The following MAGI2 variants were observed in gnomAD, a reference collection of about 807,000 sequenced individuals.
MAGI2 encodes the protein membrane associated guanylate kinase, WW and PDZ domain containing 2.
A neutral mutation model predicts 133.3 loss-of-function variants in MAGI2; 35 were observed. That is an observed-to-expected ratio of 0.26 (90% CI 0.20 to 0.35). The LOEUF (loss-of-function observed/expected upper bound fraction) is 0.35. Among genes scored for constraint, MAGI2 ranks in the 10% least tolerant of loss-of-function variants. The probability of loss-of-function intolerance (pLI) is 1.00; values close to 1 mark genes in which losing one functional copy is unlikely to be tolerated. For synonymous variants in MAGI2, 729 were observed against 710.6 expected (o/e 1.03, Z -0.41); for missense variants, 1,636 against 1,863.4 (o/e 0.88, Z 2.25).
chr7:78,401,187 CAA>C (rs34587769), intron 6 of MAGI2, among the ~76,000 whole-genome samples: 52,082 of 148,494 alleles, frequency 0.35, 10,230 homozygotes, highest in East Asian at 0.7. Flanking sequence ...CACCAACAAC[CAA>C]AAAAAAAAAT....
At chr7:78,108,193 G>C (rs187740828) in intron 20 of MAGI2, among the ~76,000 whole-genome samples, 381 of 152,090 alleles carry the variant, frequency 2.5e-3, no homozygotes, top group South Asian at 7.0e-3. Context: ...ATTGTTTCAA[G>C]AAATTTTTTA....
chr7:79,253,028 A>C (rs1342794242), intron 1 of MAGI2, among the ~76,000 whole-genome samples: 1 of 152,196 alleles, frequency 6.6e-6, no homozygotes, highest in African/African-American at 2.4e-5. Context: ...AATTCATAAA[A>C]TAAAAGGCAT....
At chr7:78,752,721 A>G (rs1382995777) in intron 2 of MAGI2, among the ~76,000 whole-genome samples, 2 of 152,208 alleles carry the variant, frequency 1.3e-5, no homozygotes, top group Non-Finnish European at 2.9e-5. Context: ...CTAACTTCTA[A>G]CAACATCAAG....
At chr7:78,341,428 T>C (rs892820430) in intron 9 of MAGI2, among the ~76,000 whole-genome samples, 1 of 152,190 alleles carries the variant, frequency 6.6e-6, no homozygotes, top group African/African-American at 2.4e-5. Context: ...AAGCTACCGT[T>C]GGCTTTCTTC....
At chr7:79,365,298 G>A (rs1842627171) in intron 1 of MAGI2, among the ~76,000 whole-genome samples, 1 of 152,096 alleles carries the variant, frequency 6.6e-6, no homozygotes, top group Non-Finnish European at 1.5e-5. Flanking sequence ...GATACAAAAT[G>A]GTACAGCTAG....
intron 6 of MAGI2, among the ~76,000 whole-genome samples, chr7:78,476,427 T>TA (rs1469766949): frequency 6.6e-6 from 1 of 151,950 alleles, no homozygotes; most frequent in Non-Finnish European, 1.5e-5. Flanking sequence ...GGGAAATCAG[T>TA]AAAAAATGTC....
In MAGI2 at chr7:78,200,389, T is replaced by C. The variant is rs1304449224; in HGVS notation, c.2079+773A>G. Among the ~76,000 whole-genome samples, 5 of 152,318 alleles carry C rather than the reference T, an allele frequency of 3.3e-5. No homozygotes were observed. In the South Asian group the frequency reaches 6.2e-4, roughly 19 times the overall value. The stretch of plus-strand genomic sequence containing the variant: ...TAGCCTAGCTCTGCAAAAAGATTAT[T>C]AAAACCCACCAGCTTCCTATACTGG... On this transcript the variant is annotated intron_variant, in intron 11 of 21. Transcript: ENST00000354212.
chr7:79,442,795 G>A (rs1848576794), intron 1 of MAGI2, among the ~76,000 whole-genome samples: 1 of 152,072 alleles, frequency 6.6e-6, no homozygotes, highest in African/African-American at 2.4e-5. Flanking sequence ...AGAATGGTAA[G>A]ATTACCGTTA....
intron 7 of MAGI2, among the ~76,000 whole-genome samples, chr7:78,368,587 C>T (rs1290172044): frequency 1.3e-5 from 2 of 151,874 alleles, no homozygotes; most frequent in Non-Finnish European, 2.9e-5. Context: ...TAATTTAACC[C>T]TGAATAGTGT....
chr7:79,016,993 A>T (rs1308203685), intron 1 of MAGI2, among the ~76,000 whole-genome samples: 1 of 152,232 alleles, frequency 6.6e-6, no homozygotes, highest in East Asian at 1.9e-4. Flanking sequence ...GTGCATCTCC[A>T]CATAGTGGTG....
chr7:78,576,484 C>T (rs1221500104), intron 3 of MAGI2, among the ~76,000 whole-genome samples: 2 of 152,154 alleles, frequency 1.3e-5, no homozygotes, highest in Non-Finnish European at 2.9e-5. Context: ...GAATTCCTCT[C>T]TTCCAAGGCA....
At chr7:78,815,949 C>T (rs1789539141) in intron 2 of MAGI2, among the ~76,000 whole-genome samples, 1 of 152,098 alleles carries the variant, frequency 6.6e-6, no homozygotes, top group South Asian at 2.1e-4. Flanking sequence ...AATGATTAAG[C>T]TTAGTGAGGA....
chr7:79,330,914 T>G (rs1022108656), intron 1 of MAGI2, among the ~76,000 whole-genome samples: 3 of 152,202 alleles, frequency 2.0e-5, no homozygotes, highest in African/African-American at 7.2e-5. Context: ...TTCTACCCTA[T>G]TTTATTTGAT....
chr7:78,929,048 A>G (rs190962048), intron 2 of MAGI2, among the ~76,000 whole-genome samples: 1 of 152,118 alleles, frequency 6.6e-6, no homozygotes, highest in African/African-American at 2.4e-5. Flanking sequence ...TTCCAATGGA[A>G]TATTAAAGAA....
chr7:78,520,471 A>T (rs527462593), intron 4 of MAGI2, among the ~76,000 whole-genome samples: 12 of 152,258 alleles, frequency 7.9e-5, no homozygotes, highest in African/African-American at 2.2e-4. Flanking sequence ...GTAATAAGAA[A>T]TATCTTAAGA....
At chr7:78,801,497 C>G (rs923027248) in intron 2 of MAGI2, among the ~76,000 whole-genome samples, 1 of 152,080 alleles carries the variant, frequency 6.6e-6, no homozygotes, top group Non-Finnish European at 1.5e-5. Context: ...TGTCTACCAA[C>G]CATCCAAAAG....
At chr7:79,038,641 T>C (rs1331996388) in intron 1 of MAGI2, among the ~76,000 whole-genome samples, 1 of 152,216 alleles carries the variant, frequency 6.6e-6, no homozygotes, top group Non-Finnish European at 1.5e-5. Context: ...GAATCATATA[T>C]AGAGATATTT....
At chr7:79,058,037 C>T (rs1042586387) in intron 1 of MAGI2, among the ~76,000 whole-genome samples, 2 of 150,678 alleles carry the variant, frequency 1.3e-5, no homozygotes, top group Admixed American at 6.6e-5. Context: ...AATGTTAGCT[C>T]ATCATGTATA....
At chr7:78,939,286 G>T (rs548658832) in intron 2 of MAGI2, among the ~76,000 whole-genome samples, 3 of 152,130 alleles carry the variant, frequency 2.0e-5, no homozygotes, top group African/African-American at 7.2e-5. Context: ...GAGCCACTGC[G>T]CCTGGCCATA....
Sources: allele counts gnomAD v4.1 joint callset (sites outside exome capture counted in the v4.1 genomes callset), GRCh38; gene constraint gnomAD v4.1.1; transcripts MANE v1.5; gene names NCBI Gene and HGNC (gene_info 2026-07-23, HGNC 2026-07-21).